Variants in UMAD1 observed in about 807,000 individuals in gnomAD.
The protein encoded by UMAD1 is UBAP1-MVB12-associated (UMA)-domain containing protein 1.
A neutral mutation model predicts 6.1 loss-of-function variants in UMAD1; 8 were observed. That is an observed-to-expected ratio of 1.30 (90% CI 0.76 to 2.35). The LOEUF is 2.35. Ranked by LOEUF, UMAD1 falls within the 30% of genes most tolerant of loss-of-function variation. The pLI, the probability that UMAD1 is intolerant of heterozygous loss-of-function variation, is 0.00. For missense variants in UMAD1, 130 were observed against 78.4 expected (o/e 1.66, Z -2.49); for synonymous variants, 56 against 31.4 (o/e 1.78, Z -2.61).
intron 2 of UMAD1, among the ~76,000 whole-genome samples, chr7:7,693,948 C>T (rs1393113175): frequency 1.3e-5 from 2 of 152,214 alleles, no homozygotes; most frequent in East Asian, 1.9e-4. Context: ...CCTCTGAGGA[C>T]TGAGATCTCT....
chr7:7,695,104 G>A (rs1174299626), intron 2 of UMAD1, among the ~76,000 whole-genome samples: 1 of 152,118 alleles, frequency 6.6e-6, no homozygotes, highest in African/African-American at 2.4e-5. Flanking sequence ...ATGATATCTT[G>A]TTGTAATTAT....
chr7:7,782,759 C>T (rs1378497883), intron 2 of UMAD1, among the ~76,000 whole-genome samples: 7 of 127,890 alleles, frequency 5.5e-5, no homozygotes, highest in Admixed American at 8.7e-5. Flanking sequence ...TTTTTTGAGA[C>T]GGAGTCTCTT....
chr7:7,641,460 G>C (rs961342017), intron 1 of UMAD1: 1 of 152,162 alleles, frequency 6.6e-6, no homozygotes, highest in African/African-American at 2.4e-5. Context: ...GATTTGCAAG[G>C]TCCCAGTTGA....
intron 2 of UMAD1, among the ~76,000 whole-genome samples, chr7:7,781,716 A>G (rs974483263): frequency 1.3e-5 from 2 of 152,052 alleles, no homozygotes; most frequent in African/African-American, 4.8e-5. Context: ...TGTATCTTCT[A>G]TATTAATTTT....
At chr7:7,644,023 G>A (rs1191912085) in intron 1 of UMAD1, among the ~76,000 whole-genome samples, 1 of 152,084 alleles carries the variant, frequency 6.6e-6, no homozygotes, top group Non-Finnish European at 1.5e-5. Flanking sequence ...GTAAAAAAAT[G>A]ATTTCCCCAA....
At chr7:7,731,394 C>T (rs113981860) in intron 2 of UMAD1, among the ~76,000 whole-genome samples, 3 of 150,554 alleles carry the variant, frequency 2.0e-5, no homozygotes, top group African/African-American at 2.4e-5. Flanking sequence ...CAGTGTTCAG[C>T]GGTTTAAGCA....
chr7:7,755,312 A>G (rs73344505), intron 2 of UMAD1, among the ~76,000 whole-genome samples: 4 of 152,214 alleles, frequency 2.6e-5, no homozygotes, highest in Non-Finnish European at 4.4e-5. Context: ...CCTTCCCAAT[A>G]GCACTCACTG....
chr7:7,814,422 T>C (rs545309198), intron 3 of UMAD1, among the ~76,000 whole-genome samples: 1 of 152,352 alleles, frequency 6.6e-6, no homozygotes, highest in Non-Finnish European at 1.5e-5. Flanking sequence ...AAATTTACAG[T>C]TCAGTTTTAG....
intron 2 of UMAD1, among the ~76,000 whole-genome samples, chr7:7,743,572 A>C (rs1175537520): frequency 6.6e-6 from 1 of 151,970 alleles, no homozygotes; most frequent in South Asian, 2.1e-4. Context: ...GTATGTTTGG[A>C]CTTATAACAC....
At chr7:7,742,177 G>A (rs765732021) in intron 2 of UMAD1, 53 of 669,110 alleles carry the variant, frequency 7.9e-5, no homozygotes, top group Admixed American at 1.4e-4. Flanking sequence ...CGAATCAGGT[G>A]TTGACCTTGG....
intron 2 of UMAD1, chr7:7,742,281 C>T (rs13222137): frequency 0.52 from 342,132 of 654,164 alleles, 93,049 homozygotes; most frequent in East Asian, 0.81. Context: ...CTGTTGTCTT[C>T]TGTCTTCTTC....
chr7:7,869,891 G>C (rs1210434432), intron 3 of UMAD1, among the ~76,000 whole-genome samples: 1 of 152,128 alleles, frequency 6.6e-6, no homozygotes, highest in African/African-American at 2.4e-5. Flanking sequence ...CTGGGGAAGT[G>C]ACTTCATTTT....
intron 3 of UMAD1, among the ~76,000 whole-genome samples, chr7:7,875,522 C>T (rs1314764464): frequency 6.6e-6 from 1 of 152,278 alleles, no homozygotes; most frequent in African/African-American, 2.4e-5. Context: ...CCACTGATCC[C>T]ACAGAAATAC....
intron 2 of UMAD1, among the ~76,000 whole-genome samples, chr7:7,783,311 C>A (rs1208998222): frequency 6.6e-6 from 1 of 151,888 alleles, no homozygotes; most frequent in Non-Finnish European, 1.5e-5. Flanking sequence ...TTATCAAAAT[C>A]AAAGGAATTA....
At chr7:7,736,151 GAATTTTC>G (rs1225591695) in intron 2 of UMAD1, 2 of 152,244 alleles carry the variant, frequency 1.3e-5, no homozygotes, top group African/African-American at 4.8e-5. Flanking sequence ...GTTGTAGTAA[GAATTTTC>G]AGTGTTCTTA....
chr7:7,705,606 A>G (rs1384114887), intron 2 of UMAD1, among the ~76,000 whole-genome samples: 1 of 152,206 alleles, frequency 6.6e-6, no homozygotes, highest in Non-Finnish European at 1.5e-5. Flanking sequence ...TTATAGGGAT[A>G]ATGAATTAGA....
chr7:7,688,791 A>G lies in UMAD1; in HGVS notation c.82+15338A>G, dbSNP rs541829648. Among the ~76,000 whole-genome samples, 7 of 152,344 alleles carry G rather than the reference A, an allele frequency of 4.6e-5. No homozygotes were observed. In the East Asian group the frequency reaches 1.2e-3, roughly 25 times the overall value. ...GCGTATTTTATAAAATTGTAAGCAC[A>G]TGACTATCAAAAAGCTGATCCTCAG... On this transcript the variant is annotated intron_variant, in intron 2 of 3. Coordinates refer to ENST00000682710, the MANE Select transcript of UMAD1 (RefSeq NM_001302348.2).
chr7:7,731,041 A>G (rs528755349), intron 2 of UMAD1, among the ~76,000 whole-genome samples: 1 of 152,216 alleles, frequency 6.6e-6, no homozygotes, highest in Admixed American at 6.5e-5. Flanking sequence ...CTCTGTCACC[A>G]GGCTGGAGTG....
chr7:7,829,333 A>G (rs140620228), intron 3 of UMAD1, among the ~76,000 whole-genome samples: 3 of 152,322 alleles, frequency 2.0e-5, no homozygotes, highest in East Asian at 3.9e-4. Context: ...AGTTTGGGGA[A>G]CAGGTGATTT....
Sources: gnomAD v4.1 joint callset for allele counts (sites outside exome capture counted in the v4.1 genomes callset) on GRCh38, gnomAD v4.1.1 for gene constraint, MANE v1.5 for transcripts, NCBI Gene and HGNC (gene_info 2026-07-23, HGNC 2026-07-21) for gene names.